SUSD1: variants seen among roughly 807,000 people sequenced by gnomAD.
SUSD1 encodes sushi domain containing 1, also known as sushi domain-containing protein 1.
Under a neutral mutation model 86.9 loss-of-function variants are expected in SUSD1, and 65 were observed. That is an observed-to-expected ratio of 0.75 (90% CI 0.61 to 0.92). SUSD1 has a LOEUF of 0.92. Among genes scored for constraint, SUSD1 ranks in the 40% least tolerant of loss-of-function variants. SUSD1 has a pLI of 0.00. For synonymous variants in SUSD1, 346 were observed against 350.0 expected (o/e 0.99, Z 0.13); for missense variants, 850 against 929.7 (o/e 0.91, Z 1.11).
chr9:112,056,602 T>C (rs1295322053), intron 14 of SUSD1, among the ~76,000 whole-genome samples: 1 of 152,186 alleles, frequency 6.6e-6, no homozygotes. Context: ...TTCAAAGCCC[T>C]TTCATCTCCT....
chr9:112,076,465 A>G (rs534936857), intron 12 of SUSD1, among the ~76,000 whole-genome samples: 1 of 152,238 alleles, frequency 6.6e-6, no homozygotes, highest in South Asian at 2.1e-4. Context: ...CCAATAACAG[A>G]CAGAAAGTAA....
At chr9:112,152,758 T>TTTC (rs1304075833) in intron 2 of SUSD1, among the ~76,000 whole-genome samples, 2 of 134,974 alleles carry the variant, frequency 1.5e-5, no homozygotes, top group Admixed American at 1.5e-4. Flanking sequence ...AATCTTTTTT[T>TTTC]TTTTTTTTTT....
chr9:112,041,397 G>T lies in SUSD1; in HGVS notation c.*95C>A. On this transcript the variant is annotated 3_prime_UTR_variant, in exon 17 of 17. Coordinates refer to ENST00000374270, the MANE Select transcript of SUSD1 (RefSeq NM_022486.5). ...TTGCAGGCCCACATGCTCCCTGGACGGAAGTCACACGGAGCCTCTGTGCGG... is the reference window on the plus strand; with the variant it reads ...TTGCAGGCCCACATGCTCCCTGGACTGAAGTCACACGGAGCCTCTGTGCGG... 1.3e-6 allele frequency: 1 copy of T among 777,142 alleles called. No individual in the cohort carries two copies. The allele number at this position is 777,142 out of a possible 1,614,324, so 48.1% of individuals were successfully genotyped here. A position where few individuals can be genotyped will look rare whatever the true frequency, so the allele number is the denominator to read the frequency against.
At chr9:112,078,748 G>C (rs759517785) in intron 11 of SUSD1, 24 bp from the exon 12 acceptor site, 1 of 1,602,392 alleles carries the variant, frequency 6.2e-7, no homozygotes, top group South Asian at 1.1e-5. Flanking sequence ...AAGCTCACTG[G>C]GTGAATGGTT....
chr9:112,131,444 C>T (rs1298076798), intron 5 of SUSD1, among the ~76,000 whole-genome samples: 1 of 152,174 alleles, frequency 6.6e-6, no homozygotes, highest in Admixed American at 6.5e-5. Flanking sequence ...CTTCTTGGGC[C>T]TGATGTTTAA....
chr9:112,101,249 C>T lies in SUSD1; in HGVS notation c.1281+927G>A, dbSNP rs552339791. Among the ~76,000 whole-genome samples the T allele has an allele frequency of 3.2e-3, 487 of 152,100 alleles. 1 individual carries two copies. Among genetic ancestry groups the T allele is most frequent in the African/African-American group, 0.011 (466 of 41,466 alleles). ...TAGTGGTGCACACCTATAATCTCAG[C>T]TACTTGGGAGGCTGAGGCACGAGAG... On this transcript the variant is annotated intron_variant, in intron 9 of 16. Coordinates refer to ENST00000374270, the MANE Select transcript of SUSD1 (RefSeq NM_022486.5).
chr9:112,095,820 T>C (rs1221580131), intron 10 of SUSD1, among the ~76,000 whole-genome samples: 2 of 152,096 alleles, frequency 1.3e-5, no homozygotes, highest in East Asian at 3.9e-4. Flanking sequence ...CTAAGATAAA[T>C]GTGGGGTGTC....
chr9:112,165,749 A>G (rs1204090696), intron 1 of SUSD1, among the ~76,000 whole-genome samples: 1 of 151,416 alleles, frequency 6.6e-6, no homozygotes, highest in African/African-American at 2.4e-5. Flanking sequence ...ATGACCCATT[A>G]AGAATCATTT....
chr9:112,158,714 A>T (rs886271521), intron 1 of SUSD1, among the ~76,000 whole-genome samples: 2 of 152,074 alleles, frequency 1.3e-5, no homozygotes, highest in Non-Finnish European at 2.9e-5. Flanking sequence ...CTTAAGGAAA[A>T]TTAAATGCAT....
chr9:112,149,921 G>A (rs951581119), intron 2 of SUSD1, among the ~76,000 whole-genome samples: 1 of 152,212 alleles, frequency 6.6e-6, no homozygotes, highest in African/African-American at 2.4e-5. Flanking sequence ...CATGCTAATG[G>A]TCAATGACCT....
rs1167248485 is a variant in SUSD1, at chr9:112,058,697, AAAGGAG to A, written c.1851-17_1851-12del. The A allele has an allele frequency of 2.5e-6, 4 of 1,613,202 alleles. No homozygotes were observed. In the African/African-American group the frequency reaches 5.3e-5, roughly 22 times the overall value. On this transcript the variant is annotated splice_polypyrimidine_tract_variant and intron_variant, in intron 13 of 16. Transcript: ENST00000374270. ...AACACCTGATATGAACTGGAAGAAAAAAGGAGAAGTGTCCATCAGACCCTTGCATGG... is the reference window on the plus strand; with the variant it reads ...AACACCTGATATGAACTGGAAGAAAAAAGTGTCCATCAGACCCTTGCATGG...
chr9:112,142,227 C>G, intron 5 of SUSD1, 93 bp downstream of exon 5: 1 of 1,066,044 alleles, frequency 9.4e-7, no homozygotes. Context: ...GTTTACTTAA[C>G]TCATTTATTC....
intron 6 of SUSD1, among the ~76,000 whole-genome samples, chr9:112,115,811 AAAAAAAAAAAAAG>A (rs1157923580): frequency 4.7e-5 from 2 of 42,346 alleles, no homozygotes; most frequent in African/African-American, 2.4e-4. Context: ...TCCATTGCAA[AAAAAAAAAAAAAG>A]AAAAAAAAAA....
At chr9:112,142,961 CTTTTTTTTTTTTTTTTTTTTTTTTTT>C (rs529470594) in intron 4 of SUSD1, among the ~76,000 whole-genome samples, 3 of 30,178 alleles carry the variant, frequency 9.9e-5, no homozygotes, top group African/African-American at 2.8e-4. Flanking sequence ...TGAATTTTAG[CTTTTTTTTTTTTTTTTTTTTTTTTTT>C]TTTTTTTTTT....
At chr9:112,155,173 C>A (rs530809354) in intron 2 of SUSD1, among the ~76,000 whole-genome samples, 2 of 151,958 alleles carry the variant, frequency 1.3e-5, no homozygotes, top group African/African-American at 4.8e-5. Context: ...ATCACTTGAA[C>A]CCAGGAGGCA....
At position 112,063,010 on chromosome 9, in the gene SUSD1, A is replaced by G; in HGVS notation, c.1777T>C (p.Phe593Leu). The G allele has an allele frequency of 1.2e-6, 2 of 1,613,502 alleles. No homozygotes were observed. Among genetic ancestry groups the G allele is most frequent in the Non-Finnish European group, 1.7e-6 (2 of 1,179,516 alleles). Residue 593 changes from phenylalanine to leucine, a missense_variant, in exon 13 of 17, where the codon TTT becomes CTT. By Grantham distance (22) the Phe-to-Leu change is conservative (BLOSUM62 0). Coordinates refer to ENST00000374270, the MANE Select transcript of SUSD1 (RefSeq NM_022486.5). ...ITEPPLPEVE[F>L]FTVHRGPLPR... ...AGAGGTCCTCTGTGCACCGTAAAAA[A>G]TTCTACTTCCGGGAGGGGAGGCTCT...
chr9:112,061,028 C>T (rs542533485), intron 13 of SUSD1, among the ~76,000 whole-genome samples: 82 of 152,296 alleles, frequency 5.4e-4, no homozygotes, highest in Non-Finnish European at 1.1e-3. Context: ...CGACCTCATA[C>T]CGACCTACTG....
chr9:112,096,047 A>G (rs1239792554), intron 10 of SUSD1, among the ~76,000 whole-genome samples: 2 of 152,188 alleles, frequency 1.3e-5, no homozygotes, highest in East Asian at 3.8e-4. Flanking sequence ...TGACGAGAAG[A>G]CATTTCCCAA....
At chr9:112,054,242 T>C (rs1457927749) in intron 14 of SUSD1, among the ~76,000 whole-genome samples, 9 of 152,170 alleles carry the variant, frequency 5.9e-5, no homozygotes, top group Non-Finnish European at 1.3e-4. Flanking sequence ...CTTGCATATA[T>C]GTCAAATAAT....
Sources: gnomAD v4.1 joint callset for allele counts (sites outside exome capture counted in the v4.1 genomes callset) on GRCh38, gnomAD v4.1.1 for gene constraint, MANE v1.5 for transcripts, NCBI Gene and HGNC (gene_info 2026-07-23, HGNC 2026-07-21) for gene names.